Variants in BRINP1 observed in about 807,000 individuals in gnomAD.
The protein encoded by BRINP1 is BMP/retinoic acid inducible neural specific 1.
In BRINP1, 17 loss-of-function variants were observed where a neutral mutation model predicts 72.9. The observed-to-expected ratio is 0.23, with a 90% CI of 0.16 to 0.35. BRINP1 has a LOEUF of 0.35. BRINP1 is among the 10% of genes least tolerant of loss of function. The pLI is 1.00. For synonymous variants in BRINP1, 418 were observed against 378.5 expected (o/e 1.10, Z -1.21); for missense variants, 850 against 1,001.6 (o/e 0.85, Z 2.04).
intron 7 of BRINP1, among the ~76,000 whole-genome samples, chr9:119,175,456 C>CACATGTATACCTAT (rs1392415529): frequency 6.6e-6 from 1 of 151,996 alleles, no homozygotes; most frequent in Non-Finnish European, 1.5e-5. Context: ...ACCACCATAG[C>CACATGTATACCTAT]ACATGTATAC....
intron 7 of BRINP1, among the ~76,000 whole-genome samples, chr9:119,194,319 G>T (rs1829711216): frequency 6.6e-6 from 1 of 152,148 alleles, no homozygotes; most frequent in Non-Finnish European, 1.5e-5. Flanking sequence ...GAGAACTCAG[G>T]TTATCTCTTT....
intron 7 of BRINP1, among the ~76,000 whole-genome samples, chr9:119,207,011 G>T (rs1460847962): frequency 1.3e-5 from 2 of 152,190 alleles, no homozygotes; most frequent in Non-Finnish European, 2.9e-5. Flanking sequence ...GCTCAAATTT[G>T]GAGGGAATAG....
intron 2 of BRINP1, among the ~76,000 whole-genome samples, chr9:119,292,902 G>T (rs1217205589): frequency 6.6e-6 from 1 of 152,204 alleles, no homozygotes; most frequent in East Asian, 1.9e-4. Flanking sequence ...TGGGAGTTTA[G>T]AACCAAGGTT....
intron 7 of BRINP1, among the ~76,000 whole-genome samples, chr9:119,168,893 G>C (rs1588151839): frequency 6.6e-6 from 1 of 151,738 alleles, no homozygotes; most frequent in East Asian, 1.9e-4. Context: ...GTGAGTATAA[G>C]TCAGTTCAAC....
intron 2 of BRINP1, among the ~76,000 whole-genome samples, chr9:119,302,734 A>G (rs567599093): frequency 6.6e-6 from 1 of 152,326 alleles, no homozygotes; most frequent in East Asian, 1.9e-4. Flanking sequence ...ACCCTACTTC[A>G]AAACACACAC....
intron 2 of BRINP1, among the ~76,000 whole-genome samples, chr9:119,302,766 T>A (rs960987877): frequency 2.0e-5 from 3 of 152,196 alleles, no homozygotes; most frequent in Non-Finnish European, 2.9e-5. Flanking sequence ...TAAAATATTT[T>A]CTTGGAATAT....
At chr9:119,335,478 T>C (rs1371582531) in intron 1 of BRINP1, among the ~76,000 whole-genome samples, 2 of 152,234 alleles carry the variant, frequency 1.3e-5, no homozygotes, top group East Asian at 3.8e-4. Context: ...ATATCAGTGA[T>C]TCTTTCAACA....
intron 2 of BRINP1, among the ~76,000 whole-genome samples, chr9:119,307,049 C>T (rs951412900): frequency 6.6e-6 from 1 of 151,816 alleles, no homozygotes. Flanking sequence ...CTCTACACAA[C>T]TGAAAGTATG....
At chr9:119,344,658 T>C (rs761224517) in intron 1 of BRINP1, among the ~76,000 whole-genome samples, 6 of 152,216 alleles carry the variant, frequency 3.9e-5, no homozygotes, top group Admixed American at 6.5e-5. Context: ...GCTTACCTGA[T>C]ACCCAGTGCT....
rs533247350 is a variant in BRINP1, at chr9:119,194,366, G to A, written c.1145+14353C>T. On this transcript the variant is annotated intron_variant, in intron 7 of 7. Coordinates refer to ENST00000265922, the MANE Select transcript of BRINP1 (RefSeq NM_014618.3). ...ATTCCCGAACTATGCTACTGTACTA[G>A]GGAGCATTCTAAAAATGCCTTCTTC... Among the ~76,000 whole-genome samples, 10 of 152,252 alleles carry A rather than the reference G, an allele frequency of 6.6e-5. No homozygotes were observed. The East Asian group carries it at 1.5e-3, about 24-fold the overall frequency.
chr9:119,219,088 A>G (rs1226115933), intron 5 of BRINP1, among the ~76,000 whole-genome samples: 2 of 152,088 alleles, frequency 1.3e-5, no homozygotes, highest in East Asian at 3.9e-4. Flanking sequence ...ACCAGACACC[A>G]TATCTGCTGG....
intron 2 of BRINP1, among the ~76,000 whole-genome samples, chr9:119,301,206 G>A (rs1203857760): frequency 6.6e-6 from 1 of 151,986 alleles, no homozygotes; most frequent in Non-Finnish European, 1.5e-5. Flanking sequence ...TGTCTTCCAG[G>A]GCTCCCCATA....
intron 1 of BRINP1, among the ~76,000 whole-genome samples, chr9:119,345,903 C>T (rs1273352155): frequency 1.3e-5 from 2 of 151,914 alleles, no homozygotes; most frequent in Admixed American, 6.6e-5. Context: ...TTAATCACAC[C>T]TACTTTACAG....
intron 1 of BRINP1, among the ~76,000 whole-genome samples, chr9:119,348,903 G>A (rs547832548): frequency 8.3e-4 from 126 of 152,264 alleles, no homozygotes; most frequent in Middle Eastern, 3.4e-3. Flanking sequence ...TGCTCTGGCC[G>A]GGTATGTGTG....
At chr9:119,342,924 A>G (rs1831418878) in intron 1 of BRINP1, among the ~76,000 whole-genome samples, 1 of 152,200 alleles carries the variant, frequency 6.6e-6, no homozygotes, top group Admixed American at 6.5e-5. Context: ...AATATTAAAG[A>G]ACTGTTCAAC....
At chr9:119,360,818 G>C (rs997401281) in intron 1 of BRINP1, among the ~76,000 whole-genome samples, 1 of 152,176 alleles carries the variant, frequency 6.6e-6, no homozygotes, top group Non-Finnish European at 1.5e-5. Flanking sequence ...CCAGTACTGG[G>C]TTAACCCTTA....
At chr9:119,361,640 A>T (rs1377065775) in intron 1 of BRINP1, among the ~76,000 whole-genome samples, 1 of 150,998 alleles carries the variant, frequency 6.6e-6, no homozygotes, top group Non-Finnish European at 1.5e-5. Flanking sequence ...TTTTTTTTTC[A>T]GACAGAGCCT....
intron 2 of BRINP1, among the ~76,000 whole-genome samples, chr9:119,277,566 A>G (rs1830669621): frequency 6.6e-6 from 1 of 152,196 alleles, no homozygotes; most frequent in African/African-American, 2.4e-5. Flanking sequence ...CCAGCACATT[A>G]CTGATTACAA....
chr9:119,251,936 T>C (rs772748035), intron 2 of BRINP1, among the ~76,000 whole-genome samples: 12 of 152,126 alleles, frequency 7.9e-5, no homozygotes, highest in Non-Finnish European at 1.6e-4. Context: ...GTCTATTTGG[T>C]GTGTGTTCTC....
Sources: allele counts gnomAD v4.1 joint callset (sites outside exome capture counted in the v4.1 genomes callset), GRCh38; gene constraint gnomAD v4.1.1; transcripts MANE v1.5; gene names NCBI Gene and HGNC (gene_info 2026-07-23, HGNC 2026-07-21).